Variants in UGGT2 observed in about 807,000 individuals in gnomAD.
UGGT2 encodes the protein UDP-glucose:glycoprotein glucosyltransferase 2.
A neutral mutation model predicts 192.1 loss-of-function variants in UGGT2; 180 were observed. That is an observed-to-expected ratio of 0.94 (90% confidence interval 0.83 to 1.06). The LOEUF is 1.06. UGGT2 is among the 50% of genes least tolerant of loss of function. The pLI is 0.00. For missense variants in UGGT2, 1,849 were observed against 1,795.7 expected (o/e 1.03, Z -0.54); for synonymous variants, 580 against 591.0 (o/e 0.98, Z 0.27).
chr13:95,931,367 G>A (rs933990271), intron 17 of UGGT2, among the ~76,000 whole-genome samples: 10 of 152,168 alleles, frequency 6.6e-5, no homozygotes, highest in Non-Finnish European at 1.5e-4. Context: ...TGGAGCCCAG[G>A]GGCTTCACCT....
chr13:95,827,128 G>A (rs1886128489), intron 38 of UGGT2, among the ~76,000 whole-genome samples: 2 of 151,958 alleles, frequency 1.3e-5, no homozygotes, highest in Admixed American at 1.3e-4. Flanking sequence ...CAATCCTCTA[G>A]AAAAAAACAG....
At chr13:95,980,428 T>C (rs1566789065) in intron 10 of UGGT2, among the ~76,000 whole-genome samples, 1 of 151,758 alleles carries the variant, frequency 6.6e-6, no homozygotes, top group Non-Finnish European at 1.5e-5. Context: ...ATAAGAATGA[T>C]ACATTGGACT....
intron 36 of UGGT2, among the ~76,000 whole-genome samples, chr13:95,846,157 C>G (rs142935107): frequency 0.013 from 1,968 of 152,284 alleles, 40 homozygotes; most frequent in African/African-American, 0.046. Flanking sequence ...GTGAACGAGA[C>G]TCCGTGTGCA....
chr13:95,839,021 C>T (rs975090382), intron 36 of UGGT2, among the ~76,000 whole-genome samples: 12 of 152,054 alleles, frequency 7.9e-5, no homozygotes, highest in Admixed American at 6.6e-5. Context: ...TGAATATACT[C>T]TCAACTGTCT....
chr13:95,921,375 G>A (rs1339687106), intron 20 of UGGT2, among the ~76,000 whole-genome samples: 1 of 148,160 alleles, frequency 6.7e-6, no homozygotes, highest in East Asian at 2.0e-4. Flanking sequence ...GGTGGTGACA[G>A]TATTTTTGTT....
Position 95,903,053 on chromosome 13 carries a change from C to A in UGGT2, c.2303G>T (p.Ser768Ile). 1 of 1,609,106 alleles carries A rather than the reference C, an allele frequency of 6.2e-7. No individual in the cohort carries two copies. Among genetic ancestry groups the A allele is most frequent in the Non-Finnish European group, 8.5e-7 (1 of 1,178,714 alleles). ...AATAATCCCCAACCGACTATGAACA[C>A]TTGTTTTCTGCAAACATATTTATAG... ...LFNALKHMKT[S>I]VHSRLGIIYN... The change falls in exon 21 of 39, where the codon AGT (serine) becomes ATT (isoleucine). Residue 768 changes from serine to isoleucine, a missense_variant. Coordinates refer to ENST00000376747, the MANE Select transcript of UGGT2 (RefSeq NM_020121.4).
intron 36 of UGGT2, among the ~76,000 whole-genome samples, chr13:95,851,579 G>A (rs568993707): frequency 1.3e-5 from 2 of 152,308 alleles, no homozygotes; most frequent in South Asian, 2.1e-4. Flanking sequence ...AGAGTCAAGA[G>A]AGTGTCAAGA....
At chr13:96,017,354 C>A (rs181111278) in intron 4 of UGGT2, among the ~76,000 whole-genome samples, 2 of 152,128 alleles carry the variant, frequency 1.3e-5, no homozygotes, top group Non-Finnish European at 1.5e-5. Context: ...TTCCCAGGGG[C>A]CCCCCTTACT....
At chr13:96,045,472 G>T (rs1302406282) in intron 1 of UGGT2, among the ~76,000 whole-genome samples, 1 of 152,132 alleles carries the variant, frequency 6.6e-6, no homozygotes, top group African/African-American at 2.4e-5. Flanking sequence ...CATAGTAATG[G>T]AAGTCCTAGT....
At chr13:95,909,197 A>C (rs150729451) in intron 20 of UGGT2, among the ~76,000 whole-genome samples, 1,805 of 152,198 alleles carry the variant, frequency 0.012, 43 homozygotes, top group African/African-American at 0.041. Context: ...CCATTTATTA[A>C]ATAGGGAATC....
intron 20 of UGGT2, among the ~76,000 whole-genome samples, chr13:95,920,933 G>A (rs1289156765): frequency 1.3e-5 from 2 of 152,042 alleles, no homozygotes; most frequent in Admixed American, 6.6e-5. Flanking sequence ...GTAAAGACAC[G>A]GAATCAACCT....
intron 38 of UGGT2, among the ~76,000 whole-genome samples, chr13:95,830,531 C>T (rs1026458851): frequency 1.3e-5 from 2 of 152,198 alleles, no homozygotes; most frequent in Non-Finnish European, 2.9e-5. Context: ...TGAAAAGATG[C>T]TCATCATCAC....
At chr13:96,001,956 GA>G in intron 5 of UGGT2, among the ~76,000 whole-genome samples, 1 of 152,252 alleles carries the variant, frequency 6.6e-6, no homozygotes, top group Non-Finnish European at 1.5e-5. Context: ...TCTACTGTAA[GA>G]ATTACAGAAT....
intron 20 of UGGT2, among the ~76,000 whole-genome samples, chr13:95,923,449 A>T (rs1336930121): frequency 1.3e-5 from 2 of 149,584 alleles, no homozygotes; most frequent in Admixed American, 1.3e-4. Context: ...GCTCACTGCA[A>T]CCTCCGCCTC....
Position 95,948,027 on chromosome 13 carries a change from C to T in UGGT2, c.1510G>A (p.Asp504Asn), listed in dbSNP as rs372661498. ...GGAACTTCGTGAGAATAGAAAACATCAGCAAGTTTTATAAAATCCAAGGTA... is the reference window on the plus strand; with the variant it reads ...GGAACTTCGTGAGAATAGAAAACATTAGCAAGTTTTATAAAATCCAAGGTA... ...EYTLDFIKLA[D>N]VFYSHEVPLR... The change falls in exon 14 of 39, where the codon GAT (aspartate) becomes AAT (asparagine). Residue 504 changes from aspartate to asparagine, a missense_variant. By Grantham distance (23) the Asp-to-Asn change is conservative. Coordinates refer to ENST00000376747, the MANE Select transcript of UGGT2 (RefSeq NM_020121.4). 3 of 1,613,002 alleles carry T rather than the reference C, an allele frequency of 1.9e-6. No homozygotes were observed. Among genetic ancestry groups the T allele is most frequent in the South Asian group, 2.2e-5 (2 of 91,018 alleles).
At chr13:95,948,916 C>G (rs2049969262) in intron 13 of UGGT2, among the ~76,000 whole-genome samples, 1 of 152,130 alleles carries the variant, frequency 6.6e-6, no homozygotes, top group Non-Finnish European at 1.5e-5. Flanking sequence ...GCAGTTGCCT[C>G]TATGCTATTC....
At chr13:95,852,631 T>C (rs1250674986) in intron 36 of UGGT2, among the ~76,000 whole-genome samples, 1 of 152,202 alleles carries the variant, frequency 6.6e-6, no homozygotes, top group Non-Finnish European at 1.5e-5. Context: ...GATGAATGAA[T>C]GAACATGCAT....
chr13:95,938,988 T>G (rs2049564382), intron 16 of UGGT2, among the ~76,000 whole-genome samples: 1 of 152,116 alleles, frequency 6.6e-6, no homozygotes, highest in Admixed American at 6.6e-5. Flanking sequence ...AAAATGCATG[T>G]CACTGTCACT....
At chr13:95,898,206 G>A (rs2048002432) in intron 22 of UGGT2, among the ~76,000 whole-genome samples, 1 of 152,094 alleles carries the variant, frequency 6.6e-6, no homozygotes, top group African/African-American at 2.4e-5. Flanking sequence ...TATTCCCAAT[G>A]TAACAGCCTC....
Sources: allele counts gnomAD v4.1 joint callset (sites outside exome capture counted in the v4.1 genomes callset), GRCh38; gene constraint gnomAD v4.1.1; transcripts MANE v1.5; gene names NCBI Gene and HGNC (gene_info 2026-07-23, HGNC 2026-07-21).